Variants in SLC15A2 observed in about 807,000 individuals in gnomAD.
SLC15A2 encodes solute carrier family 15 member 2.
A neutral mutation model predicts 95.5 loss-of-function variants in SLC15A2; 77 were observed. That is an observed-to-expected ratio of 0.81 (90% CI 0.67 to 0.97). The LOEUF (loss-of-function observed/expected upper bound fraction) is 0.97. Among genes scored for constraint, SLC15A2 ranks in the 50% least tolerant of loss-of-function variants. The probability of loss-of-function intolerance (pLI) is 0.00; values close to 1 mark genes in which losing one functional copy is unlikely to be tolerated. For missense variants in SLC15A2, 893 were observed against 874.4 expected (o/e 1.02, Z -0.27); for synonymous variants, 306 against 306.9 (o/e 1.00, Z 0.03).
At position 121,915,259 on chromosome 3, in the gene SLC15A2, C is replaced by G; in HGVS notation, c.561C>G (p.Phe187Leu). The G allele has an allele frequency of 6.2e-7, 1 of 1,613,872 alleles. No homozygotes were observed. The highest frequency in any genetic ancestry group is 2.2e-5 in the East Asian group (1 of 44,866). ...AACGGACTAGATACTTCTCAGTCTT[C>G]TACCTGTCCATCAATGCAGGGAGCT... ...AEERTRYFSVFYLSINAGSLI... is the reference protein window; with the variant it reads ...AEERTRYFSVLYLSINAGSLI... Residue 187 changes from phenylalanine to leucine, a missense_variant, in exon 6 of 22, where the codon TTC becomes TTG. Transcript: ENST00000489711.
Position 121,897,494 on chromosome 3 carries a change from A to C in SLC15A2, c.300A>C (p.Gly100=). 5 of 1,614,004 alleles carry C rather than the reference A, an allele frequency of 3.1e-6. No individual in the cohort carries two copies. Among genetic ancestry groups the C allele is most frequent in the Middle Eastern group, 3.3e-4 (2 of 6,062 alleles). ...TCTGTTATTTTACTCCCATCCTGGG[A>C]GCAGCCATTGCTGACTCGTGGTTGG... ...SSLCYFTPIL[G]AAIADSWLGK... The change falls in exon 3 of 22, where the codon GGA becomes GGC. Residue 100 remains glycine (G), a synonymous_variant. Transcript: ENST00000489711.
intron 12 of SLC15A2, 84 bp downstream of exon 12, chr3:121,924,467 A>G (rs1710072243): frequency 8.3e-7 from 1 of 1,206,156 alleles, no homozygotes; most frequent in African/African-American, 1.5e-5. Context: ...AACAACCATA[A>G]TTTGATGCTT....
intron 2 of SLC15A2, among the ~76,000 whole-genome samples, chr3:121,896,916 A>G (rs1240958830): frequency 6.7e-6 from 1 of 150,118 alleles, no homozygotes; most frequent in Non-Finnish European, 1.5e-5. Context: ...AAAAAAAAAA[A>G]AAAGGGGGGG....
intron 15 of SLC15A2, 57 bp from the exon 16 acceptor site, chr3:121,928,925 G>A: frequency 1.9e-6 from 3 of 1,571,350 alleles, no homozygotes; most frequent in Non-Finnish European, 2.6e-6. Flanking sequence ...ACATCGTGAT[G>A]TCCAATATGC....
chr3:121,927,040 A>G (rs1190587277), intron 13 of SLC15A2, among the ~76,000 whole-genome samples: 1 of 152,172 alleles, frequency 6.6e-6, no homozygotes, highest in Non-Finnish European at 1.5e-5. Flanking sequence ...CAGTATCTAT[A>G]CCCCCATTTT....
rs1439475432 is a variant in SLC15A2 at position 121,922,205 on chromosome 3, G to C, written c.698-15G>C. On this transcript the variant is annotated splice_polypyrimidine_tract_variant and intron_variant, in intron 7 of 21. Coordinates refer to ENST00000489711, the MANE Select transcript of SLC15A2 (RefSeq NM_021082.4). ...AAATGAGAAGCTAAGAACCTTGTTT[G>C]TGTATCAACTGCAGTTGTGTTTGCA... is the stretch of plus-strand genomic sequence containing the variant. The C allele has an allele frequency of 1.2e-6, 2 of 1,608,584 alleles. No individual in the cohort carries two copies. Among genetic ancestry groups the C allele is most frequent in the Non-Finnish European group, 1.7e-6 (2 of 1,175,466 alleles).
chr3:121,931,147 C>T (rs953141829), intron 18 of SLC15A2, among the ~76,000 whole-genome samples, 197 bp downstream of exon 18: 9 of 152,150 alleles, frequency 5.9e-5, no homozygotes, highest in East Asian at 1.9e-4. Flanking sequence ...TCACGATTGC[C>T]GTGAAGACCA....
chr3:121,896,983 G>A (rs1709430123), intron 2 of SLC15A2, among the ~76,000 whole-genome samples: 1 of 149,122 alleles, frequency 6.7e-6, no homozygotes, highest in Non-Finnish European at 1.5e-5. Context: ...TCAGGTATGA[G>A]CTAACAGCTC....
intron 5 of SLC15A2, among the ~76,000 whole-genome samples, chr3:121,913,968 T>C (rs1339859763): frequency 6.7e-6 from 1 of 150,116 alleles, no homozygotes. Flanking sequence ...CCACTCTCTC[T>C]CTCTCTCTTT....
At chr3:121,928,592 T>C (rs1237468654) in intron 15 of SLC15A2, 37 bp downstream of exon 15, 1 of 1,593,346 alleles carries the variant, frequency 6.3e-7, no homozygotes, top group African/African-American at 1.4e-5. Context: ...AAACTCTGTA[T>C]GCTATATTGA....
intron 6 of SLC15A2, 40 bp from the exon 7 acceptor site, chr3:121,915,576 A>G: frequency 7.0e-7 from 1 of 1,432,090 alleles, no homozygotes; most frequent in Non-Finnish European, 9.9e-7. Flanking sequence ...AATATTCAAG[A>G]CTCAGAGTTA....
At chr3:121,938,281 G>C (rs1269854365) in intron 19 of SLC15A2, among the ~76,000 whole-genome samples, 1 of 152,268 alleles carries the variant, frequency 6.6e-6, no homozygotes, top group Admixed American at 6.5e-5. Context: ...CTTGAGCTGT[G>C]GTGGGCTCCA....
rs924579700 is a variant in SLC15A2 at position 121,934,989 on chromosome 3, G to A, written c.1761+3254G>A. Among the ~76,000 whole-genome samples, 3 of 152,116 alleles carry A rather than the reference G, an allele frequency of 2.0e-5. No individual in the cohort carries two copies. In the Middle Eastern group the frequency reaches 0.01, roughly 517 times the overall value. On this transcript the variant is annotated intron_variant, in intron 19 of 21. Coordinates refer to ENST00000489711, the MANE Select transcript of SLC15A2 (RefSeq NM_021082.4). ...TTAGCATGAAGCGTTGTTGAATTTT[G>A]TCAAAGGCCTTTTCTGCATCTATTG...
chr3:121,910,735 A>G (rs1341208640), intron 3 of SLC15A2, among the ~76,000 whole-genome samples: 1 of 152,126 alleles, frequency 6.6e-6, no homozygotes, highest in Non-Finnish European at 1.5e-5. Context: ...CATTCTACTT[A>G]TATGTGGGAA....
At chr3:121,937,130 A>G (rs1710363390) in intron 19 of SLC15A2, among the ~76,000 whole-genome samples, 2 of 86,380 alleles carry the variant, frequency 2.3e-5, no homozygotes, top group Admixed American at 2.9e-4. Flanking sequence ...CTGCCGAGAG[A>G]TCCGCTGTTA....
Position 121,929,141 on chromosome 3 carries a change from A to C in SLC15A2, c.1501A>C (p.Met501Leu), listed in dbSNP as rs562598676. 3 of 1,611,098 alleles carry C rather than the reference A, an allele frequency of 1.9e-6. No individual in the cohort carries two copies. In the South Asian group the frequency reaches 3.3e-5, roughly 18 times the overall value. The change falls in exon 16 of 22, where the codon ATG (methionine) becomes CTG (leucine). Residue 501 changes from methionine to leucine, a missense_variant. Coordinates refer to ENST00000489711, the MANE Select transcript of SLC15A2 (RefSeq NM_021082.4). ...TGAAGATGGGAACAGTATCTCCAGC[A>C]TGATGGTAATTTGAGGAATTGCCTG... ...IREDGNSISS[M>L]MVKDTESRTT...
chr3:121,912,436 G>A (rs1181164891), intron 4 of SLC15A2, among the ~76,000 whole-genome samples: 1 of 152,072 alleles, frequency 6.6e-6, no homozygotes, highest in Non-Finnish European at 1.5e-5. Context: ...GTTTTACCAT[G>A]TTGGCCAGGC....
intron 3 of SLC15A2, among the ~76,000 whole-genome samples, chr3:121,898,030 C>T (rs181872723): frequency 8.5e-5 from 13 of 152,068 alleles, no homozygotes; most frequent in South Asian, 4.2e-4. Context: ...GGCATGGTGG[C>T]GGGCACCTGT....
chr3:121,924,768 G>C (rs1240671346), intron 12 of SLC15A2, among the ~76,000 whole-genome samples, 177 bp from the exon 13 acceptor site: 1 of 152,210 alleles, frequency 6.6e-6, no homozygotes, highest in Non-Finnish European at 1.5e-5. Context: ...AAAATGCTAT[G>C]CAAGGGAAAT....
Sources: allele counts gnomAD v4.1 joint callset (sites outside exome capture counted in the v4.1 genomes callset), GRCh38; gene constraint gnomAD v4.1.1; transcripts MANE v1.5; gene names NCBI Gene and HGNC (gene_info 2026-07-23, HGNC 2026-07-21).